Variants in PLEKHG7 observed in about 807,000 individuals in gnomAD.
PLEKHG7 encodes pleckstrin homology domain-containing family G member 7.
In PLEKHG7, 77 loss-of-function variants were observed where a neutral mutation model predicts 85.2. The ratio of observed to expected loss-of-function variants is 0.90; its 90% confidence interval spans 0.75 to 1.09. The LOEUF is 1.09. PLEKHG7 is among the 50% of genes least tolerant of loss of function. PLEKHG7 has a pLI of 0.00. For synonymous variants in PLEKHG7, 301 were observed against 302.4 expected (o/e 1.00, Z 0.05); for missense variants, 777 against 804.3 (o/e 0.97, Z 0.41).
At chr12:92,706,214 A>G (rs886906215) in intron 1 of PLEKHG7, among the ~76,000 whole-genome samples, 1 of 152,218 alleles carries the variant, frequency 6.6e-6, no homozygotes, top group African/African-American at 2.4e-5. Context: ...TTAAGTTACC[A>G]AAGTTTTTAA....
At chr12:92,734,005 AG>A (rs1872066170) in intron 5 of PLEKHG7, among the ~76,000 whole-genome samples, 1 of 152,242 alleles carries the variant, frequency 6.6e-6, no homozygotes, top group Non-Finnish European at 1.5e-5. Context: ...GGAAGCAATG[AG>A]GGAGATACAC....
At chr12:92,735,811 A>G (rs1163235405) in intron 5 of PLEKHG7, among the ~76,000 whole-genome samples, 1 of 152,208 alleles carries the variant, frequency 6.6e-6, no homozygotes, top group Non-Finnish European at 1.5e-5. Flanking sequence ...CATATTTCCA[A>G]TGGGTATATA....
chr12:92,732,638 T>A (rs1872025785), intron 5 of PLEKHG7, among the ~76,000 whole-genome samples: 1 of 152,230 alleles, frequency 6.6e-6, no homozygotes, highest in Non-Finnish European at 1.5e-5. Context: ...TCGTGTATAT[T>A]GGGAACATTG....
chr12:92,756,325 A>G lies in PLEKHG7; in HGVS notation c.1570A>G (p.Met524Val), dbSNP rs775133678. ...ECLKHIFKEHMAENILSPTSR... is the reference protein window; with the variant it reads ...ECLKHIFKEHVAENILSPTSR... ...TTTGAAACACATTTTTAAAGAACAC[A>G]TGGCAGAAAACATCTTGTCACCAAC... The change falls in exon 13 of 17, where the codon ATG (methionine) becomes GTG (valine). Residue 524 changes from methionine (M) to valine (V), a missense_variant. By Grantham distance (21) the Met-to-Val change is conservative. Transcript: ENST00000344636. 3.1e-6 allele frequency: 5 copies of G among 1,612,140 alleles called. No homozygotes were observed. Among genetic ancestry groups the G allele is most frequent in the Admixed American group, 1.7e-5 (1 of 59,996 alleles).
At chr12:92,707,881 A>T in intron 3 of PLEKHG7, 1 of 731,888 alleles carries the variant, frequency 1.4e-6, no homozygotes, top group African/African-American at 1.8e-5. Context: ...GGGGCAGGAT[A>T]CAATGCCATA....
chr12:92,757,186 T>C (rs950761046), intron 13 of PLEKHG7, among the ~76,000 whole-genome samples: 10 of 152,252 alleles, frequency 6.6e-5, no homozygotes, highest in African/African-American at 2.2e-4. Flanking sequence ...AGTGATCTCC[T>C]GTGCTTCAGT....
chr12:92,741,525 T>C lies in PLEKHG7; in HGVS notation c.1070T>C (p.Ile357Thr). 2 of 1,612,994 alleles carry C rather than the reference T, an allele frequency of 1.2e-6. No individual in the cohort carries two copies. Among genetic ancestry groups the C allele is most frequent in the Non-Finnish European group, 8.5e-7 (1 of 1,179,570 alleles). The part of the protein sequence containing the change: ...SLGFVNSLFG[I>T]IKDYVDASEI... ...GGTTTTGTGAACAGTCTCTTTGGCA[T>C]CATCAAGGACTATGTAGACGCTTCT... Residue 357 changes from isoleucine to threonine, a missense_variant, in exon 9 of 17, where the codon ATC becomes ACC. Physicochemically the swap from Ile to Thr is moderately conservative, Grantham distance 89. Transcript: ENST00000344636.
At chr12:92,751,584 G>A (rs996243369) in intron 10 of PLEKHG7, among the ~76,000 whole-genome samples, 2 of 151,298 alleles carry the variant, frequency 1.3e-5, no homozygotes, top group African/African-American at 4.9e-5. Flanking sequence ...ATGTTGGCCA[G>A]GCTGGTCTCG....
intron 9 of PLEKHG7, among the ~76,000 whole-genome samples, chr12:92,744,445 A>G (rs1872465041): frequency 6.6e-6 from 1 of 152,146 alleles, no homozygotes; most frequent in Non-Finnish European, 1.5e-5. Flanking sequence ...TGCTCAGTTT[A>G]CCCATTATAT....
At chr12:92,741,247 C>T (rs1872345805) in intron 8 of PLEKHG7, among the ~76,000 whole-genome samples, 2 of 151,966 alleles carry the variant, frequency 1.3e-5, no homozygotes, top group African/African-American at 4.8e-5. Context: ...TTCTCGCATA[C>T]ATTATAAATA....
intron 1 of PLEKHG7, 69 bp from the exon 2 acceptor site, chr12:92,706,402 A>G (rs1261384711): frequency 2.1e-6 from 1 of 480,258 alleles, no homozygotes; most frequent in African/African-American, 2.0e-5. Context: ...TTGAAATTTT[A>G]GACCTTTTTT....
Position 92,754,247 on chromosome 12 carries a change from AG to A in PLEKHG7, c.1411del (p.Val471TrpfsTer12), listed in dbSNP as rs1872765980. The part of the protein sequence containing the change: ...EKIMIYSIKE[K>X]VEKSIRDLEG... Reference sequence around the variant, plus strand: ...ATCATGATCTACTCCATCAAGGAAAAGGTGGAAAAGTCCATCCGTAAGTCCC... The same window carrying A: ...ATCATGATCTACTCCATCAAGGAAAAGTGGAAAAGTCCATCCGTAAGTCCC... On this transcript the variant is annotated frameshift_variant, in exon 11 of 17. Coordinates refer to ENST00000344636, the MANE Select transcript of PLEKHG7 (RefSeq NM_001377329.1). LOFTEE classifies it high-confidence loss of function. The A allele has an allele frequency of 1.9e-6, 3 of 1,613,798 alleles. No homozygotes were observed. The highest frequency in any genetic ancestry group is 2.7e-5 in the African/African-American group (2 of 74,938).
At chr12:92,743,190 C>T (rs960955299) in intron 9 of PLEKHG7, among the ~76,000 whole-genome samples, 4 of 152,134 alleles carry the variant, frequency 2.6e-5, no homozygotes, top group African/African-American at 9.7e-5. Context: ...ATGAAATGGC[C>T]ACTACCTGGA....
intron 10 of PLEKHG7, among the ~76,000 whole-genome samples, chr12:92,750,974 G>A (rs1306232738): frequency 6.6e-6 from 1 of 151,830 alleles, no homozygotes; most frequent in Non-Finnish European, 1.5e-5. Context: ...AAATAAAACA[G>A]TTGGAAAAAT....
intron 10 of PLEKHG7, among the ~76,000 whole-genome samples, chr12:92,753,271 G>A (rs184490731): frequency 4.6e-5 from 7 of 152,096 alleles, no homozygotes; most frequent in African/African-American, 7.2e-5. Flanking sequence ...CAGCAACCAC[G>A]TCCATGCCTC....
At chr12:92,736,244 A>G (rs943181443) in intron 5 of PLEKHG7, among the ~76,000 whole-genome samples, 2 of 151,856 alleles carry the variant, frequency 1.3e-5, no homozygotes, top group Non-Finnish European at 2.9e-5. Flanking sequence ...AATTTGTAAA[A>G]TGAGAGGTTT....
At chr12:92,751,694 A>G (rs1205147583) in intron 10 of PLEKHG7, among the ~76,000 whole-genome samples, 1 of 151,802 alleles carries the variant, frequency 6.6e-6, no homozygotes, top group East Asian at 1.9e-4. Flanking sequence ...AATTTGGCAG[A>G]ATCCCCATGA....
chr12:92,706,086 A>C (rs1871220541), intron 1 of PLEKHG7, among the ~76,000 whole-genome samples: 1 of 152,356 alleles, frequency 6.6e-6, no homozygotes, highest in African/African-American at 2.4e-5. Flanking sequence ...CCCAGAATGC[A>C]CCACAATATG....
chr12:92,741,268 T>C (rs1872346966), intron 8 of PLEKHG7, among the ~76,000 whole-genome samples: 1 of 152,320 alleles, frequency 6.6e-6, no homozygotes, highest in South Asian at 2.1e-4. Context: ...AATAATATTT[T>C]TCCTCTTAAA....
Sources: allele counts gnomAD v4.1 joint callset (sites outside exome capture counted in the v4.1 genomes callset), GRCh38; gene constraint gnomAD v4.1.1; transcripts MANE v1.5; gene names NCBI Gene and HGNC (gene_info 2026-07-23, HGNC 2026-07-21).